The following NHEJ1 variants were observed in gnomAD, a reference collection of about 807,000 sequenced individuals.
NHEJ1 encodes non-homologous end joining factor 1.
Under a neutral mutation model 39.4 loss-of-function variants are expected in NHEJ1, and 22 were observed. The ratio of observed to expected loss-of-function variants is 0.56; its 90% CI spans 0.40 to 0.80. The LOEUF is 0.80. Ranked by LOEUF, NHEJ1 falls within the 30% of genes least tolerant of loss-of-function variation. NHEJ1 has a pLI of 0.00. For missense variants in NHEJ1, 329 were observed against 357.1 expected, an observed-to-expected ratio of 0.92 and a Z score of 0.63; for synonymous variants, 154 against 135.6, an observed-to-expected ratio of 1.14 and a Z score of -0.94.
chr2:219,076,373 A>ACAACAGATTAACTGAAGAGACCC lies in NHEJ1; in HGVS notation c.885_*7dup, dbSNP rs760271955. 1.9e-6 allele frequency: 3 copies of ACAACAGATTAACTGAAGAGACCC among 1,614,066 alleles called. No individual in the cohort carries two copies. In the Admixed American group the frequency reaches 5.0e-5, roughly 27 times the overall value. On this transcript the variant is annotated 3_prime_UTR_variant, in exon 8 of 8. Coordinates refer to ENST00000356853, the MANE Select transcript of NHEJ1 (RefSeq NM_024782.3). ...AAGTCCATCCTCAGCAGCTGAGGCC[A>ACAACAGATTAACTGAAGAGACCC]CAACAGATTAACTGAAGAGACCCCT...
Position 219,158,217 on chromosome 2 carries a change from A to T in NHEJ1, c.146T>A (p.Val49Glu). Reference sequence around the variant, plus strand: ...TCGCTGGCTGACCACACTAGTGTCCACCTGTTCATGCCACACCTGTTGAAG... The same window carrying T: ...TCGCTGGCTGACCACACTAGTGTCCTCCTGTTCATGCCACACCTGTTGAAG... ...SDLQQVWHEQ[V>E]DTSVVSQRAK... Residue 49 changes from valine (V) to glutamate (E), a missense_variant, in exon 2 of 8, where the codon GTG (valine) becomes GAG (glutamate). Coordinates refer to ENST00000356853, the MANE Select transcript of NHEJ1 (RefSeq NM_024782.3). The T allele has an allele frequency of 6.2e-7, 1 of 1,614,146 alleles. No homozygotes were observed. Among genetic ancestry groups the T allele is most frequent in the South Asian group, 1.1e-5 (1 of 91,086 alleles).
intron 5 of NHEJ1, among the ~76,000 whole-genome samples, chr2:219,098,218 G>A (rs571865736): frequency 6.6e-6 from 1 of 152,208 alleles, no homozygotes; most frequent in Non-Finnish European, 1.5e-5. Context: ...AGGAAGGTAA[G>A]ATCACAGTAA....
At chr2:219,159,546 T>C (rs1949898007) in intron 1 of NHEJ1, among the ~76,000 whole-genome samples, 1 of 26,450 alleles carries the variant, frequency 3.8e-5, no homozygotes, top group Non-Finnish European at 1.0e-4. Flanking sequence ...TGCATATATA[T>C]ATATGCATAT....
At chr2:219,142,883 C>T (rs1229877684) in intron 5 of NHEJ1, among the ~76,000 whole-genome samples, 1 of 152,242 alleles carries the variant, frequency 6.6e-6, no homozygotes, top group Non-Finnish European at 1.5e-5. Context: ...AGGCCACTAT[C>T]AACTGGCTCC....
rs142684479 is a variant in NHEJ1, at chr2:219,158,191, C to A, written c.172G>T (p.Ala58Ser). ...QVDTSVVSQR[A>S]KELNKRLTAP... is the part of the protein sequence containing the mutation. ...GTACTTCTCCTCATACTTACCTTGGCTCGCTGGCTGACCACACTAGTGTCC... is the reference window on the plus strand; with the variant it reads ...GTACTTCTCCTCATACTTACCTTGGATCGCTGGCTGACCACACTAGTGTCC... The change falls in exon 2 of 8, where the codon GCC becomes TCC. Residue 58 changes from alanine to serine, a missense_variant. Ala to Ser is a moderately conservative substitution (Grantham distance 99). Coordinates refer to ENST00000356853, the MANE Select transcript of NHEJ1 (RefSeq NM_024782.3). 105 of 1,614,066 alleles carry A rather than the reference C, an allele frequency of 6.5e-5. No individual in the cohort carries two copies. Among genetic ancestry groups the A allele is most frequent in the Non-Finnish European group, 8.5e-5 (100 of 1,180,028 alleles).
intron 5 of NHEJ1, among the ~76,000 whole-genome samples, chr2:219,104,369 G>C (rs920910445): frequency 2.6e-5 from 4 of 152,212 alleles, no homozygotes; most frequent in African/African-American, 7.2e-5. Context: ...GAGAGCTCCA[G>C]AACTGACAGA....
At chr2:219,130,985 G>C (rs755570316) in intron 5 of NHEJ1, among the ~76,000 whole-genome samples, 60 of 152,104 alleles carry the variant, frequency 3.9e-4, no homozygotes, top group Non-Finnish European at 7.2e-4. Flanking sequence ...CCAGCTACTC[G>C]GGAGGCTGAG....
intron 5 of NHEJ1, among the ~76,000 whole-genome samples, chr2:219,082,293 T>C (rs927406973): frequency 6.6e-6 from 1 of 152,240 alleles, no homozygotes; most frequent in African/African-American, 2.4e-5. Flanking sequence ...AGAAACCCTG[T>C]AGGGCATTTT....
rs1949000311 is a variant in NHEJ1 at position 219,075,115 on chromosome 2, T to C, written c.*1266A>G. Among the ~76,000 whole-genome samples the C allele has an allele frequency of 6.6e-6, 1 of 152,242 alleles. No individual in the cohort carries two copies. Among genetic ancestry groups the C allele is most frequent in the South Asian group, 2.1e-4 (1 of 4,826 alleles). ...ATGTTTTCATTAGTGTATATAATAA[T>C]GCTGTTAAGAACTCAGCTGTCTGGG... On this transcript the variant is annotated 3_prime_UTR_variant, in exon 8 of 8. Coordinates refer to ENST00000356853, the MANE Select transcript of NHEJ1 (RefSeq NM_024782.3).
chr2:219,080,587 T>TTA (rs58776270), intron 5 of NHEJ1, among the ~76,000 whole-genome samples: 5,645 of 59,792 alleles, frequency 0.094, 557 homozygotes, highest in African/African-American at 0.23. Context: ...ATATATACGC[T>TTA]TATATATATA....
At chr2:219,080,612 AGCTT>A (rs1949055314) in intron 5 of NHEJ1, among the ~76,000 whole-genome samples, 1 of 121,060 alleles carries the variant, frequency 8.3e-6, no homozygotes, top group Non-Finnish European at 1.9e-5. Flanking sequence ...AATATATATA[AGCTT>A]ATATATATGC....
chr2:219,102,029 T>C (rs1343413843), intron 5 of NHEJ1, among the ~76,000 whole-genome samples: 8 of 152,230 alleles, frequency 5.3e-5, no homozygotes, highest in Admixed American at 5.2e-4. Flanking sequence ...CAGCCCTCAT[T>C]CTTTTTAATG....
At chr2:219,110,070 T>C (rs1949350094) in intron 5 of NHEJ1, among the ~76,000 whole-genome samples, 3 of 152,182 alleles carry the variant, frequency 2.0e-5, no homozygotes, top group Admixed American at 6.5e-5. Flanking sequence ...CCTCCCTTCC[T>C]TCCTTCCATG....
At chr2:219,106,563 AG>A (rs1949315526) in intron 5 of NHEJ1, among the ~76,000 whole-genome samples, 1 of 152,216 alleles carries the variant, frequency 6.6e-6, no homozygotes, top group Non-Finnish European at 1.5e-5. Context: ...AGAGAAAACA[AG>A]GCCATATACA....
At chr2:219,107,302 G>T (rs1949323657) in intron 5 of NHEJ1, among the ~76,000 whole-genome samples, 1 of 152,174 alleles carries the variant, frequency 6.6e-6, no homozygotes, top group Admixed American at 6.5e-5. Flanking sequence ...GAAATCGATT[G>T]ATTGAAACCA....
intron 5 of NHEJ1, among the ~76,000 whole-genome samples, chr2:219,103,764 G>T (rs188617975): frequency 6.6e-6 from 1 of 152,230 alleles, no homozygotes; most frequent in East Asian, 1.9e-4. Context: ...AAAATAAACT[G>T]GAGCCAGGTA....
chr2:219,086,995 C>T (rs1207432986), intron 5 of NHEJ1, among the ~76,000 whole-genome samples: 14 of 151,946 alleles, frequency 9.2e-5, no homozygotes, highest in Admixed American at 8.5e-4. Context: ...CAGAGGGGCT[C>T]GGGGAACGCA....
At chr2:219,130,905 A>G (rs1456878831) in intron 5 of NHEJ1, among the ~76,000 whole-genome samples, 1 of 152,040 alleles carries the variant, frequency 6.6e-6, no homozygotes, top group Non-Finnish European at 1.5e-5. Context: ...CCTGGGAAAA[A>G]CAGTGAGACC....
At chr2:219,112,236 G>GACTTATTAGGTTTAACAATTTAACAGTTT (rs1444549497) in intron 5 of NHEJ1, among the ~76,000 whole-genome samples, 1 of 152,136 alleles carries the variant, frequency 6.6e-6, no homozygotes, top group Non-Finnish European at 1.5e-5. Flanking sequence ...TAACCTAATG[G>GACTTATTAGGTTTAACAATTTAACAGTTT]AACAATTTAA....
Sources: allele counts gnomAD v4.1 joint callset (sites outside exome capture counted in the v4.1 genomes callset), GRCh38; gene constraint gnomAD v4.1.1; transcripts MANE v1.5; gene names NCBI Gene and HGNC (gene_info 2026-07-23, HGNC 2026-07-21).